Variants in ROBO2 observed in about 807,000 individuals in gnomAD.
ROBO2 encodes roundabout guidance receptor 2.
A neutral mutation model predicts 160.8 loss-of-function variants in ROBO2; 53 were observed. The ratio of observed to expected loss-of-function variants is 0.33; its 90% confidence interval spans 0.26 to 0.41. ROBO2 has a LOEUF of 0.41. Ranked by LOEUF, ROBO2 falls within the 10% of genes least tolerant of loss-of-function variation. The pLI is 1.00. For missense variants in ROBO2, 1,577 were observed against 1,722.4 expected (o/e 0.92, Z 1.49); for synonymous variants, 664 against 611.7 (o/e 1.09, Z -1.26).
At chr3:76,432,145 T>C (rs994577005) in intron 2 of ROBO2, among the ~76,000 whole-genome samples, 1 of 152,174 alleles carries the variant, frequency 6.6e-6, no homozygotes, top group Non-Finnish European at 1.5e-5. Context: ...TAATAAAAAG[T>C]GCAAAGTTGG....
rs115847407 is a variant in ROBO2, at chr3:77,094,206, G to A, written c.62-3808G>A. 7.7e-3 allele frequency among the ~76,000 whole-genome samples: 1,172 copies of A among 152,118 alleles called. 10 individuals carry two copies. The highest frequency in any genetic ancestry group is 0.037 in the Middle Eastern group (11 of 294). ...CATTGATCTACATTCTATGTCCGTG[G>A]ATTTTCCTTCTCTGGACATGTCATA... On this transcript the variant is annotated intron_variant, in intron 1 of 25. Transcript: ENST00000461745.
At chr3:76,739,608 C>T (rs1002314509) in intron 2 of ROBO2, among the ~76,000 whole-genome samples, 1 of 150,368 alleles carries the variant, frequency 6.7e-6, no homozygotes, top group Non-Finnish European at 1.5e-5. Context: ...CACATGTACC[C>T]TAAAACTTAA....
intron 2 of ROBO2, among the ~76,000 whole-genome samples, chr3:76,927,596 G>T (rs1414415344): frequency 6.6e-6 from 1 of 152,090 alleles, no homozygotes; most frequent in Non-Finnish European, 1.5e-5. Context: ...CAACGCATAA[G>T]AATTATTTTC....
At chr3:76,187,995 C>G (rs1701841805) in intron 2 of ROBO2, among the ~76,000 whole-genome samples, 1 of 152,106 alleles carries the variant, frequency 6.6e-6, no homozygotes, top group African/African-American at 2.4e-5. Context: ...GCCACTTTTC[C>G]TATATCTGAC....
chr3:76,916,757 T>C (rs1368119021), intron 2 of ROBO2, among the ~76,000 whole-genome samples: 2 of 152,054 alleles, frequency 1.3e-5, no homozygotes, highest in Non-Finnish European at 2.9e-5. Flanking sequence ...CTAAGGTTAT[T>C]CAAAAAGAAA....
intron 2 of ROBO2, among the ~76,000 whole-genome samples, chr3:76,598,341 AAGG>A (rs2086877770): frequency 6.6e-6 from 1 of 152,098 alleles, no homozygotes. Flanking sequence ...TTTTTAATAA[AAGG>A]AGAATTCAAG....
intron 25 of ROBO2, among the ~76,000 whole-genome samples, chr3:77,645,505 T>G (rs2153725295): frequency 6.6e-6 from 1 of 152,270 alleles, no homozygotes; most frequent in Admixed American, 6.5e-5. Context: ...GCAAAAAATG[T>G]TGAACTCCTT....
intron 2 of ROBO2, among the ~76,000 whole-genome samples, chr3:76,567,139 G>A (rs140991015): frequency 2.1e-4 from 32 of 152,262 alleles, no homozygotes; most frequent in African/African-American, 7.2e-4. Flanking sequence ...AAACGAAGAC[G>A]TGAGATAAGG....
chr3:76,970,975 C>T (rs1270725295), intron 2 of ROBO2, among the ~76,000 whole-genome samples: 32 of 152,228 alleles, frequency 2.1e-4, no homozygotes, highest in Non-Finnish European at 2.9e-5. Flanking sequence ...TAAGGAGCTT[C>T]GATTAATATT....
intron 2 of ROBO2, among the ~76,000 whole-genome samples, chr3:76,081,837 TACAC>T (rs55705748): frequency 4.1e-5 from 6 of 148,066 alleles, no homozygotes; most frequent in East Asian, 2.0e-4. Flanking sequence ...TGTAAATACA[TACAC>T]ACACACACAC....
intron 2 of ROBO2, among the ~76,000 whole-genome samples, chr3:76,636,659 T>A (rs2090349707): frequency 6.6e-6 from 1 of 152,144 alleles, no homozygotes; most frequent in Non-Finnish European, 1.5e-5. Context: ...AGCAAAAGTC[T>A]AGATAAGTCT....
chr3:76,645,556 A>G (rs2109786979), intron 2 of ROBO2, among the ~76,000 whole-genome samples: 1 of 152,274 alleles, frequency 6.6e-6, no homozygotes, highest in Admixed American at 6.5e-5. Flanking sequence ...GGAAAGTAAT[A>G]TAGTGAACTC....
rs75444860 is a variant in ROBO2 at position 76,057,688 on chromosome 3, G to A, written c.109+120086G>A. On this transcript the variant is annotated intron_variant, in intron 2 of 26. Coordinates refer to the ROBO2 transcript ENST00000487694. ...TACAGAGCTGTAGATCACTGCCGCC[G>A]ACCAACAAGACCAGATTTTTTTTTC... Among the ~76,000 whole-genome samples, 1,074 of 152,026 alleles carry A rather than the reference G, an allele frequency of 7.1e-3. 64 individuals are homozygous for A. The East Asian group carries it at 0.15, about 22-fold the overall frequency.
intron 2 of ROBO2, among the ~76,000 whole-genome samples, chr3:76,291,014 T>C (rs1011733716): frequency 2.0e-5 from 3 of 152,156 alleles, no homozygotes; most frequent in African/African-American, 7.2e-5. Flanking sequence ...TTTGTTATTG[T>C]GTCTCTGCAG....
chr3:76,202,034 A>C (rs1702560246), intron 2 of ROBO2, among the ~76,000 whole-genome samples: 1 of 152,202 alleles, frequency 6.6e-6, no homozygotes. Context: ...ACAAATAGGG[A>C]AGCACTCATG....
chr3:77,057,093 A>G (rs1042642224), intron 1 of ROBO2, among the ~76,000 whole-genome samples: 7 of 152,224 alleles, frequency 4.6e-5, no homozygotes, highest in Admixed American at 3.3e-4. Flanking sequence ...CTGGATTAAG[A>G]AAATGTGGCA....
At chr3:76,561,333 T>C (rs558927179) in intron 2 of ROBO2, among the ~76,000 whole-genome samples, 7 of 152,158 alleles carry the variant, frequency 4.6e-5, no homozygotes, top group African/African-American at 1.7e-4. Context: ...CTTAGAAACA[T>C]AAAATTAGAG....
At chr3:76,950,582 A>G (rs2078896041) in intron 2 of ROBO2, among the ~76,000 whole-genome samples, 1 of 152,198 alleles carries the variant, frequency 6.6e-6, no homozygotes, top group Non-Finnish European at 1.5e-5. Flanking sequence ...GAAGGGTTCT[A>G]AACAGTCTCC....
intron 2 of ROBO2, among the ~76,000 whole-genome samples, chr3:76,073,641 A>C (rs1198583666): frequency 1.3e-5 from 2 of 152,060 alleles, no homozygotes; most frequent in African/African-American, 2.4e-5. Flanking sequence ...GCACAATATA[A>C]GGAAGACAGT....
Sources: allele counts gnomAD v4.1 joint callset (sites outside exome capture counted in the v4.1 genomes callset), GRCh38; gene constraint gnomAD v4.1.1; transcripts MANE v1.5; gene names NCBI Gene and HGNC (gene_info 2026-07-23, HGNC 2026-07-21).